COQ9: variants seen among roughly 807,000 people sequenced by gnomAD.
The protein encoded by COQ9 is ubiquinone biosynthesis protein COQ9, mitochondrial.
A neutral mutation model predicts 42.4 loss-of-function variants in COQ9; 35 were observed. That is an observed-to-expected ratio of 0.83 (90% CI 0.63 to 1.10). The LOEUF is 1.10. COQ9 is among the 50% of genes least tolerant of loss of function. The pLI is 0.00. For missense variants in COQ9, 406 were observed against 414.6 expected, an observed-to-expected ratio of 0.98 and a Z score of 0.18; for synonymous variants, 155 against 155.1, an observed-to-expected ratio of 1.00 and a Z score of 0.00.
intron 2 of COQ9, among the ~76,000 whole-genome samples, chr16:57,451,551 G>A (rs2030289447): frequency 6.6e-6 from 1 of 152,184 alleles, no homozygotes; most frequent in Non-Finnish European, 1.5e-5. Context: ...ACAGTATAGA[G>A]AAGTTCACAA....
intron 7 of COQ9, 92 bp from the exon 8 acceptor site, chr16:57,459,959 T>C: frequency 7.9e-7 from 1 of 1,271,052 alleles, no homozygotes; most frequent in South Asian, 1.2e-5. Context: ...TCTTCACCTT[T>C]TGGGGCTCAT....
Position 57,460,682 on chromosome 16 carries a change from C to G in COQ9, c.*58C>G. ...AGAATGAGCGGACAGATTGAAAGAG[C>G]TTTGAAAAGTATAAGGTGCCATCCA... On this transcript the variant is annotated 3_prime_UTR_variant, in exon 9 of 9. Coordinates refer to ENST00000262507, the MANE Select transcript of COQ9 (RefSeq NM_020312.4). 1 of 1,530,856 alleles carries G rather than the reference C, an allele frequency of 6.5e-7. No individual in the cohort carries two copies. The highest frequency in any genetic ancestry group is 2.3e-5 in the East Asian group (1 of 44,420). 94.8% of individuals were successfully genotyped at this position (1,530,856 alleles called of 1,614,324 possible). A position where few individuals can be genotyped will look rare whatever the true frequency, so the allele number is the denominator to read the frequency against.
chr16:57,449,888 A>T (rs1173046590), intron 1 of COQ9, among the ~76,000 whole-genome samples: 2 of 152,160 alleles, frequency 1.3e-5, no homozygotes, highest in Non-Finnish European at 2.9e-5. Flanking sequence ...AAACTCATAG[A>T]ATGGTACACT....
intron 3 of COQ9, among the ~76,000 whole-genome samples, chr16:57,456,217 C>G (rs1192329840): frequency 6.6e-6 from 1 of 152,136 alleles, no homozygotes; most frequent in Non-Finnish European, 1.5e-5. Flanking sequence ...TTGGAGAAAG[C>G]AGCTGCAGGC....
chr16:57,456,263 G>A, intron 3 of COQ9: 2 of 527,750 alleles, frequency 3.8e-6, no homozygotes, highest in Non-Finnish European at 6.9e-6. Flanking sequence ...CTGTTGATAT[G>A]TTCATCCCTG....
intron 1 of COQ9, 76 bp from the exon 2 acceptor site, chr16:57,450,964 C>T: frequency 6.6e-7 from 1 of 1,525,654 alleles, no homozygotes; most frequent in South Asian, 1.2e-5. Context: ...TTTCCTCCTC[C>T]TTATCTGTGT....
rs541943158 is a variant in COQ9, at chr16:57,447,655, T to TG, written c.73+83dup. ...GGCCGGCTTCAGCTGGGTTCGACGG[T>TG]GGGGGGAAGAGGCCGTTGGGGCGGC... On this transcript the variant is annotated intron_variant, in intron 1 of 8. Coordinates refer to ENST00000262507, the MANE Select transcript of COQ9 (RefSeq NM_020312.4). 471 of 1,172,782 alleles carry TG rather than the reference T, an allele frequency of 4.0e-4. 2 individuals carry two copies. In the African/African-American group the frequency reaches 6.3e-3, roughly 16 times the overall value. 72.6% of individuals were successfully genotyped at this position (1,172,782 alleles called of 1,614,324 possible).
chr16:57,459,529 C>G (rs1281762759), intron 6 of COQ9, 36 bp from the exon 7 acceptor site: 1 of 1,612,978 alleles, frequency 6.2e-7, no homozygotes, highest in Non-Finnish European at 8.5e-7. Context: ...CTCAGACTTG[C>G]ACCAGCCCAC....
intron 1 of COQ9, among the ~76,000 whole-genome samples, chr16:57,449,453 T>C (rs950525317): frequency 6.6e-6 from 1 of 152,060 alleles, no homozygotes; most frequent in Non-Finnish European, 1.5e-5. Context: ...TTGCCAGATA[T>C]ACTGATAGGC....
intron 3 of COQ9, among the ~76,000 whole-genome samples, chr16:57,455,347 A>G (rs1292634451): frequency 8.5e-6 from 1 of 117,442 alleles, no homozygotes; most frequent in East Asian, 2.3e-4. Flanking sequence ...CTAGAGATAC[A>G]CATTTGGGCA....
intron 1 of COQ9, among the ~76,000 whole-genome samples, chr16:57,449,918 T>C (rs1326900235): frequency 6.6e-6 from 1 of 152,166 alleles, no homozygotes; most frequent in African/African-American, 2.4e-5. Context: ...TGCATTTCAT[T>C]GTGTGTAAAT....
intron 1 of COQ9, among the ~76,000 whole-genome samples, chr16:57,449,552 G>T (rs1422078967): frequency 6.6e-6 from 1 of 152,134 alleles, no homozygotes; most frequent in African/African-American, 2.4e-5. Flanking sequence ...GGAAGCTGAG[G>T]TGGGAGGGTT....
In COQ9 at chr16:57,459,560, T is replaced by C. The variant is rs774940784; in HGVS notation, c.712-5T>C. On this transcript the variant is annotated splice_polypyrimidine_tract_variant and splice_region_variant and intron_variant, in intron 6 of 8. Coordinates refer to ENST00000262507, the MANE Select transcript of COQ9 (RefSeq NM_020312.4). ...CCCACAGCGGTAGTGTGGGTTTCTTTACAGTTTAACTGGTACACCCGCCGA... is the reference window on the plus strand; with the variant it reads ...CCCACAGCGGTAGTGTGGGTTTCTTCACAGTTTAACTGGTACACCCGCCGA... 5.0e-6 allele frequency: 8 copies of C among 1,614,098 alleles called. No homozygotes were observed. Among genetic ancestry groups the C allele is most frequent in the Non-Finnish European group, 6.8e-6 (8 of 1,180,022 alleles).
chr16:57,458,426 T>TG, intron 6 of COQ9, 76 bp downstream of exon 6: 1 of 1,132,770 alleles, frequency 8.8e-7, no homozygotes, highest in Non-Finnish European at 1.3e-6. Flanking sequence ...CTTGTGAAAT[T>TG]GCTTTGATCA....
intron 1 of COQ9, among the ~76,000 whole-genome samples, chr16:57,448,493 G>A (rs1434435758): frequency 2.0e-5 from 3 of 151,688 alleles, no homozygotes; most frequent in South Asian, 2.1e-4. Flanking sequence ...GTACAATCTC[G>A]GCTCACTGCA....
chr16:57,452,091 C>T (rs1458749506), intron 2 of COQ9, among the ~76,000 whole-genome samples: 1 of 152,128 alleles, frequency 6.6e-6, no homozygotes, highest in Non-Finnish European at 1.5e-5. Flanking sequence ...CTTTTCATTT[C>T]AATTCAAGAA....
intron 2 of COQ9, among the ~76,000 whole-genome samples, chr16:57,451,418 C>T (rs568686758): frequency 6.6e-4 from 101 of 152,274 alleles, no homozygotes; most frequent in African/African-American, 2.2e-3. Flanking sequence ...AGCTGTCCTC[C>T]GCCTAGATCT....
chr16:57,459,190 C>T (rs1460553941), intron 6 of COQ9, among the ~76,000 whole-genome samples: 1 of 152,194 alleles, frequency 6.6e-6, no homozygotes, highest in Non-Finnish European at 1.5e-5. Context: ...CACCAAGGTT[C>T]GGTCATAGCT....
rs1361589985 is a variant in COQ9 at position 57,452,819 on chromosome 16, C to CGAG, written c.273_275dup (p.Glu91dup). ...GTCTCAGGTATACAGACCAGGGCGGCGAGGAGGAGGAGGACTATGAAAGTG... is the reference window on the plus strand; with the variant it reads ...GTCTCAGGTATACAGACCAGGGCGGCGAGGAGGAGGAGGAGGACTATGAAAGTG... On this transcript the variant is annotated inframe_insertion, in exon 3 of 9. Coordinates refer to ENST00000262507, the MANE Select transcript of COQ9 (RefSeq NM_020312.4). 6.2e-7 allele frequency: 1 copy of CGAG among 1,613,154 alleles called. No individual in the cohort carries two copies. The highest frequency in any genetic ancestry group is 1.7e-5 in the Admixed American group (1 of 60,000).
Sources: allele counts gnomAD v4.1 joint callset (sites outside exome capture counted in the v4.1 genomes callset), GRCh38; gene constraint gnomAD v4.1.1; transcripts MANE v1.5; gene names NCBI Gene and HGNC (gene_info 2026-07-23, HGNC 2026-07-21).